ATP10A: variants seen among roughly 807,000 people sequenced by gnomAD.
ATP10A encodes the protein ATPase phospholipid transporting 10A (putative), also known as phospholipid-transporting ATPase VA.
A neutral mutation model predicts 147.8 loss-of-function variants in ATP10A; 111 were observed. The observed-to-expected ratio is 0.75, with a 90% CI of 0.64 to 0.88. The LOEUF is 0.88. ATP10A is among the 40% of genes least tolerant of loss of function. The probability of loss-of-function intolerance (pLI) is 0.00; values close to 1 mark genes in which losing one functional copy is unlikely to be tolerated. For missense variants in ATP10A, 1,927 were observed against 1,959.0 expected (o/e 0.98, Z 0.31); for synonymous variants, 875 against 841.6 (o/e 1.04, Z -0.69).
At chr15:25,705,376 C>A (rs891349496) in intron 12 of ATP10A, among the ~76,000 whole-genome samples, 5 of 143,720 alleles carry the variant, frequency 3.5e-5, no homozygotes, top group Admixed American at 7.3e-5. Context: ...TTTGAGCTCA[C>A]AATGTGCTGT....
At chr15:25,690,454 G>T (rs1038335455) in intron 15 of ATP10A, among the ~76,000 whole-genome samples, 1 of 152,142 alleles carries the variant, frequency 6.6e-6, no homozygotes, top group African/African-American at 2.4e-5. Context: ...TTGCCCCGCT[G>T]GTCTCAAACT....
chr15:25,675,769 A>G (rs1267055810), downstream of ATP10A, among the ~76,000 whole-genome samples: 2 of 152,236 alleles, frequency 1.3e-5, no homozygotes, highest in Non-Finnish European at 2.9e-5. Flanking sequence ...AACACGGCGA[A>G]AGCCCATCTA....
chr15:25,785,594 G>A (rs890260094), intron 1 of ATP10A, among the ~76,000 whole-genome samples: 4 of 152,222 alleles, frequency 2.6e-5, no homozygotes, highest in African/African-American at 9.6e-5. Flanking sequence ...GAAGCAGTGA[G>A]TGGCAGGAGA....
At chr15:25,797,197 C>T (rs907583715) in intron 1 of ATP10A, among the ~76,000 whole-genome samples, 3 of 152,144 alleles carry the variant, frequency 2.0e-5, no homozygotes, top group African/African-American at 7.2e-5. Context: ...AGGTTCCACG[C>T]GTACGGGAGA....
At chr15:25,802,426 TC>T (rs55825042) in intron 1 of ATP10A, among the ~76,000 whole-genome samples, 27,231 of 142,502 alleles carry the variant, frequency 0.19, 2,489 homozygotes, top group Middle Eastern at 0.26. Context: ...CGTGTTGTGT[TC>T]CGACCACTAG....
chr15:25,850,986 C>G (rs1010650460), intron 1 of ATP10A, among the ~76,000 whole-genome samples: 7 of 152,148 alleles, frequency 4.6e-5, no homozygotes, highest in African/African-American at 1.4e-4. Context: ...GCAGTGGTTT[C>G]CATGCCAGAC....
chr15:25,763,156 A>G (rs1252299803), intron 2 of ATP10A, among the ~76,000 whole-genome samples: 1 of 152,212 alleles, frequency 6.6e-6, no homozygotes, highest in Non-Finnish European at 1.5e-5. Flanking sequence ...GTAAGAAAAT[A>G]ATTGCTCCTC....
At chr15:25,812,300 A>G (rs1243989691) in intron 1 of ATP10A, among the ~76,000 whole-genome samples, 1 of 152,246 alleles carries the variant, frequency 6.6e-6, no homozygotes, top group Non-Finnish European at 1.5e-5. Flanking sequence ...CCTGTTAAAA[A>G]GACTTTTGTA....
intron 15 of ATP10A, among the ~76,000 whole-genome samples, chr15:25,690,240 TAA>T (rs35580193): frequency 2.4e-4 from 23 of 94,036 alleles, no homozygotes; most frequent in African/African-American, 5.6e-4. Context: ...TCCTTTTTTT[TAA>T]AAAAAAAAAA....
chr15:25,696,463 G>A (rs1208973223), intron 13 of ATP10A, among the ~76,000 whole-genome samples: 1 of 152,208 alleles, frequency 6.6e-6, no homozygotes, highest in Non-Finnish European at 1.5e-5. Flanking sequence ...TGAGCTCCCT[G>A]GACTCCCACA....
chr15:25,682,284 C>T (rs1899462651), intron 17 of ATP10A, among the ~76,000 whole-genome samples: 1 of 151,836 alleles, frequency 6.6e-6, no homozygotes, highest in African/African-American at 2.4e-5. Context: ...GGATGTGTCC[C>T]AATGTTAAAA....
chr15:25,838,724 T>G (rs964680514), intron 1 of ATP10A, among the ~76,000 whole-genome samples: 3 of 152,180 alleles, frequency 2.0e-5, no homozygotes, highest in Admixed American at 6.5e-5. Context: ...TTGTGGCGCT[T>G]GATGATAATA....
intron 7 of ATP10A, among the ~76,000 whole-genome samples, chr15:25,720,058 C>G (rs547453214): frequency 2.0e-5 from 3 of 152,170 alleles, no homozygotes; most frequent in African/African-American, 7.2e-5. Context: ...GGCAAGGAAA[C>G]CCTCTGGTTT....
chr15:25,747,069 G>A (rs1410843457), intron 2 of ATP10A, among the ~76,000 whole-genome samples: 1 of 152,114 alleles, frequency 6.6e-6, no homozygotes, highest in Non-Finnish European at 1.5e-5. Flanking sequence ...GGTGGATCAA[G>A]TGAGGTCAGG....
chr15:25,726,449 T>C (rs1902557741), intron 4 of ATP10A, among the ~76,000 whole-genome samples: 1 of 148,168 alleles, frequency 6.7e-6, no homozygotes, highest in South Asian at 2.1e-4. Context: ...CTTTTTTTCT[T>C]TTTTTTTTTT....
At chr15:25,768,993 G>C (rs2140656652) in intron 2 of ATP10A, among the ~76,000 whole-genome samples, 1 of 152,178 alleles carries the variant, frequency 6.6e-6, no homozygotes, top group Non-Finnish European at 1.5e-5. Context: ...GGGTTGAAAG[G>C]TTTTCCCTCA....
At chr15:25,779,356 T>C (rs1291436712) in intron 2 of ATP10A, among the ~76,000 whole-genome samples, 1 of 152,224 alleles carries the variant, frequency 6.6e-6, no homozygotes, top group African/African-American at 2.4e-5. Flanking sequence ...ACCCTCTGTG[T>C]GCACAGGCTG....
At position 25,788,647 on chromosome 15, in the gene ATP10A, T is replaced by C. The variant is rs145521102; in HGVS notation, c.450-7424A>G. On this transcript the variant is annotated intron_variant, in intron 1 of 20. Coordinates refer to ENST00000555815, the MANE Select transcript of ATP10A (RefSeq NM_024490.4). ...TCAGAAATAGTACAAATGAGCAGCG[T>C]GTTATATCTTGTCTTTGATTTGTGG... is the stretch of plus-strand genomic sequence containing the variant. Among the ~76,000 whole-genome samples, 960 of 152,364 alleles carry C rather than the reference T, an allele frequency of 6.3e-3. 16 individuals are homozygous for C. Among genetic ancestry groups the C allele is most frequent in the East Asian group, 0.03 (155 of 5,194 alleles).
chr15:25,706,929 C>T (rs959633363), intron 12 of ATP10A, among the ~76,000 whole-genome samples: 2 of 152,170 alleles, frequency 1.3e-5, no homozygotes, highest in East Asian at 1.9e-4. Flanking sequence ...TCAGTCCAGA[C>T]GACAGCAGCC....
Sources: gnomAD v4.1 joint callset for allele counts (sites outside exome capture counted in the v4.1 genomes callset) on GRCh38, gnomAD v4.1.1 for gene constraint, MANE v1.5 for transcripts, NCBI Gene and HGNC (gene_info 2026-07-23, HGNC 2026-07-21) for gene names.